Variants in SH3GL3 observed in about 807,000 individuals in gnomAD.
The protein encoded by SH3GL3 is endophilin-A3.
SH3GL3 carries 33 observed loss-of-function variants against 47.7 expected under a neutral mutation model. That is an observed-to-expected ratio of 0.69 (90% confidence interval 0.52 to 0.92). The LOEUF is 0.92. Among genes scored for constraint, SH3GL3 ranks in the 40% least tolerant of loss-of-function variants. The pLI, the probability that SH3GL3 is intolerant of heterozygous loss-of-function variation, is 0.00. For missense variants in SH3GL3, 363 were observed against 417.8 expected, an observed-to-expected ratio of 0.87 and a Z score of 1.14; for synonymous variants, 155 against 148.8, an observed-to-expected ratio of 1.04 and a Z score of -0.30.
chr15:83,588,144 G>C (rs565640631), intron 7 of SH3GL3, among the ~76,000 whole-genome samples: 1 of 152,072 alleles, frequency 6.6e-6, no homozygotes, highest in African/African-American at 2.4e-5. Flanking sequence ...AGATGGAGTC[G>C]TGCTCTGTTG....
chr15:83,558,313 G>A (rs1160970675), intron 1 of SH3GL3, among the ~76,000 whole-genome samples: 1 of 152,124 alleles, frequency 6.6e-6, no homozygotes, highest in Non-Finnish European at 1.5e-5. Context: ...TGGCATTTGA[G>A]AATCCCTGTG....
chr15:83,593,238 G>T (rs965576265), intron 8 of SH3GL3, among the ~76,000 whole-genome samples: 2 of 152,138 alleles, frequency 1.3e-5, no homozygotes, highest in African/African-American at 4.8e-5. Flanking sequence ...AAAAAATCCT[G>T]CTCAGATTTT....
intron 1 of SH3GL3, among the ~76,000 whole-genome samples, chr15:83,523,961 AAAAAAAC>A (rs1295179073): frequency 2.0e-5 from 3 of 152,204 alleles, no homozygotes; most frequent in African/African-American, 7.2e-5. Flanking sequence ...AAAAAAAAAA[AAAAAAAC>A]AGACAGCAAA....
chr15:83,469,403 A>G (rs1024228551), intron 1 of SH3GL3, among the ~76,000 whole-genome samples: 1 of 152,058 alleles, frequency 6.6e-6, no homozygotes, highest in Non-Finnish European at 1.5e-5. Context: ...CAGGTTCTTG[A>G]GGGAAATGAG....
intron 8 of SH3GL3, among the ~76,000 whole-genome samples, chr15:83,600,638 T>G (rs2060355731): frequency 6.6e-6 from 1 of 152,208 alleles, no homozygotes; most frequent in Admixed American, 6.5e-5. Flanking sequence ...CCTCCAGATT[T>G]GTTCTTTTTG....
intron 1 of SH3GL3, among the ~76,000 whole-genome samples, chr15:83,467,034 A>C (rs1448323959): frequency 6.6e-6 from 1 of 152,220 alleles, no homozygotes; most frequent in Non-Finnish European, 1.5e-5. Flanking sequence ...TTACAGAGCA[A>C]AAGTTTTACA....
At chr15:83,498,691 C>T (rs1567274778) in intron 1 of SH3GL3, among the ~76,000 whole-genome samples, 1 of 152,178 alleles carries the variant, frequency 6.6e-6, no homozygotes. Context: ...ATTATCTACA[C>T]TGCCACCTCT....
chr15:83,522,594 C>G (rs1216627875), intron 1 of SH3GL3, among the ~76,000 whole-genome samples: 2 of 152,210 alleles, frequency 1.3e-5, no homozygotes, highest in Non-Finnish European at 1.5e-5. Context: ...TAATTTAACT[C>G]TAGAATTGAG....
chr15:83,629,846 C>T, the SH3GL3 span, among the ~76,000 whole-genome samples: 128,724 of 152,108 alleles, frequency 0.85, 54,938 homozygotes, highest in African/African-American at 0.94. Flanking sequence ...AAATAAAGTA[C>T]CATAGACCTA....
At chr15:83,575,069 T>A (rs2059637887) in intron 5 of SH3GL3, among the ~76,000 whole-genome samples, 1 of 152,202 alleles carries the variant, frequency 6.6e-6, no homozygotes. Flanking sequence ...TTTTAATTTT[T>A]GTGGGTACGT....
At chr15:83,630,619 A>G in the SH3GL3 span, among the ~76,000 whole-genome samples, 129,098 of 152,020 alleles carry the variant, frequency 0.85, 55,307 homozygotes, top group East Asian at 0.96. Context: ...TGAGCAAAGC[A>G]GGGAGAAACC....
intron 1 of SH3GL3, among the ~76,000 whole-genome samples, chr15:83,528,004 T>TTTTGC (rs1452984134): frequency 6.6e-6 from 1 of 152,200 alleles, no homozygotes; most frequent in Non-Finnish European, 1.5e-5. Flanking sequence ...ATTATCTTGT[T>TTTTGC]TTTGCTTGTC....
chr15:83,457,234 A>G (rs1285694989), intron 1 of SH3GL3, among the ~76,000 whole-genome samples: 1 of 152,178 alleles, frequency 6.6e-6, no homozygotes, highest in Admixed American at 6.5e-5. Flanking sequence ...TCCAGGGACC[A>G]GTTTCATCTC....
chr15:83,616,261 T>TTG (rs2060811010), intron 8 of SH3GL3, among the ~76,000 whole-genome samples: 1 of 148,472 alleles, frequency 6.7e-6, no homozygotes, highest in Non-Finnish European at 1.5e-5. Flanking sequence ...CTTTTTTTTT[T>TTG]TTTTTTTTTG....
chr15:83,510,816 C>A (rs1329165197), intron 1 of SH3GL3, among the ~76,000 whole-genome samples: 4 of 151,852 alleles, frequency 2.6e-5, no homozygotes, highest in African/African-American at 9.7e-5. Flanking sequence ...TCAGTTAATC[C>A]TTTCTCTGGG....
chr15:83,480,762 A>G (rs1433644367), intron 1 of SH3GL3, among the ~76,000 whole-genome samples: 2 of 152,260 alleles, frequency 1.3e-5, no homozygotes, highest in Non-Finnish European at 2.9e-5. Context: ...ATTAGCTATT[A>G]TAAGTAATCT....
At chr15:83,565,882 C>G (rs1596272133) in intron 3 of SH3GL3, 1 of 152,102 alleles carries the variant, frequency 6.6e-6, no homozygotes, top group African/African-American at 2.4e-5. Context: ...CAGCACAAAC[C>G]TAACCATTTG....
At chr15:83,484,144 C>G (rs2041492517) in intron 1 of SH3GL3, among the ~76,000 whole-genome samples, 1 of 152,176 alleles carries the variant, frequency 6.6e-6, no homozygotes, top group Non-Finnish European at 1.5e-5. Flanking sequence ...CTGCCTTCTT[C>G]TTATACTCAG....
At chr15:83,495,711 T>G (rs1366987332) in intron 1 of SH3GL3, among the ~76,000 whole-genome samples, 1 of 152,100 alleles carries the variant, frequency 6.6e-6, no homozygotes, top group Non-Finnish European at 1.5e-5. Context: ...CACTCCAGCC[T>G]GGGTGACAGA....
Sources: allele counts gnomAD v4.1 joint callset (sites outside exome capture counted in the v4.1 genomes callset), GRCh38; gene constraint gnomAD v4.1.1; transcripts MANE v1.5; gene names NCBI Gene and HGNC (gene_info 2026-07-23, HGNC 2026-07-21).